GAPDH: variants seen among roughly 807,000 people sequenced by gnomAD.
GAPDH encodes the protein glyceraldehyde-3-phosphate dehydrogenase, also known as OCAS, p38 component.
Under a neutral mutation model 31.2 loss-of-function variants are expected in GAPDH, and 13 were observed. The observed-to-expected ratio is 0.42, with a 90% confidence interval of 0.27 to 0.66. The LOEUF (loss-of-function observed/expected upper bound fraction) is 0.66, where lower values mean the gene tolerates loss of function less well. Among genes scored for constraint, GAPDH ranks in the 30% least tolerant of loss-of-function variants. The pLI is 0.26. For missense variants in GAPDH, 300 were observed against 443.7 expected, an observed-to-expected ratio of 0.68 and a Z score of 2.91; for synonymous variants, 211 against 166.9, an observed-to-expected ratio of 1.26 and a Z score of -2.04.
intron 2 of GAPDH, chr12:6,535,460 T>C: frequency 1.0e-6 from 1 of 986,904 alleles, no homozygotes; most frequent in Non-Finnish European, 1.2e-6. Context: ...TTTTCCTAGA[T>C]TATTCTCTGG....
rs752723540 is a variant in GAPDH, at chr12:6,536,698, A to G, written c.144A>G (p.Gln48=). The G allele has an allele frequency of 3.7e-6, 6 of 1,613,838 alleles. No homozygotes were observed. The highest frequency in any genetic ancestry group is 2.2e-5 in the South Asian group (2 of 91,064). The change falls in exon 4 of 9, where the codon CAA becomes CAG. Residue 48 remains glutamine (Q), a synonymous_variant. Coordinates refer to ENST00000229239, the MANE Select transcript of GAPDH (RefSeq NM_002046.7). ...IDLNYMVYMF[Q]YDSTHGKFHG... ...TATTCCCCCAGGTTTACATGTTCCAATATGATTCCACCCATGGCAAATTCC... is the reference window on the plus strand; with the variant it reads ...TATTCCCCCAGGTTTACATGTTCCAGTATGATTCCACCCATGGCAAATTCC...
chr12:6,536,479 CCTCTTGT>C lies in GAPDH; in HGVS notation c.30-9_30-3del, dbSNP rs749811136. The C allele has an allele frequency of 1.3e-6, 2 of 1,599,582 alleles. No individual in the cohort carries two copies. The highest frequency in any genetic ancestry group is 1.7e-6 in the Non-Finnish European group (2 of 1,167,358). The stretch of plus-strand genomic sequence containing the variant: ...AGCCTCCCCTCCTCATGCCTTCTTG[CCTCTTGT>C]CTCTTAGATTTGGTCGTATTGGGCG... On this transcript the variant is annotated splice_polypyrimidine_tract_variant and splice_region_variant and intron_variant, in intron 2 of 8. Transcript: ENST00000229239.
chr12:6,536,375 G>A (rs951926737), intron 2 of GAPDH, 119 bp from the exon 3 acceptor site: 3 of 747,792 alleles, frequency 4.0e-6, no homozygotes, highest in Non-Finnish European at 7.0e-6. Flanking sequence ...AACCTCTTGG[G>A]CCCTCCTGGG....
chr12:6,535,912 AT>A (rs979918338), intron 2 of GAPDH, among the ~76,000 whole-genome samples: 1 of 151,932 alleles, frequency 6.6e-6, no homozygotes, highest in African/African-American at 2.4e-5. Flanking sequence ...CCCACTCCTG[AT>A]TTCTGGAAAA....
In GAPDH at chr12:6,536,580, A is replaced by G; in HGVS notation, c.116A>G (p.Asp39Gly). The G allele has an allele frequency of 6.2e-7, 1 of 1,613,530 alleles. No individual in the cohort carries two copies. Among genetic ancestry groups the G allele is most frequent in the Non-Finnish European group, 8.5e-7 (1 of 1,179,712 alleles). Reference sequence around the variant, plus strand: ...GTTGCCATCAATGACCCCTTCATTGACCTCAACTACATGGTGAGTGCTACA... The same window carrying G: ...GTTGCCATCAATGACCCCTTCATTGGCCTCAACTACATGGTGAGTGCTACA... ...DIVAINDPFI[D>G]LNYMVYMFQY... Residue 39 changes from aspartate to glycine, a missense_variant, in exon 3 of 9, where the codon GAC becomes GGC. Coordinates refer to ENST00000229239, the MANE Select transcript of GAPDH (RefSeq NM_002046.7).
chr12:6,537,490 G>A lies in GAPDH; in HGVS notation c.526-94G>A, dbSNP rs1286437223. The A allele has an allele frequency of 3.8e-6, 6 of 1,583,154 alleles. No individual in the cohort carries two copies. On this transcript the variant is annotated intron_variant, in intron 7 of 8. Coordinates refer to ENST00000229239, the MANE Select transcript of GAPDH (RefSeq NM_002046.7). This position sits in a 1 kb window ranked among gnomAD's most constrained non-coding sequence, Gnocchi z 4.9. ...GTGCAACCCTGGGGTTGGGGGTTCT[G>A]GGGACTGGCTTTCCCATAATTTCCT...
chr12:6,536,412 T>C (rs1946466603), intron 2 of GAPDH, 82 bp from the exon 3 acceptor site: 1 of 999,206 alleles, frequency 1.0e-6, no homozygotes, highest in Non-Finnish European at 1.6e-6. Flanking sequence ...ATTCGCCCTC[T>C]TAATGGGGAG....
chr12:6,534,651 G>A (rs1254369085), intron 1 of GAPDH, 82 bp downstream of exon 1: 2 of 688,632 alleles, frequency 2.9e-6, no homozygotes, highest in African/African-American at 3.6e-5. Context: ...ATGTGTTCGC[G>A]CCGCTGCGGG....
Position 6,536,529 on chromosome 12 carries a change from C to T in GAPDH, c.65C>T (p.Ala22Val). 1 of 1,613,796 alleles carries T rather than the reference C, an allele frequency of 6.2e-7. No homozygotes were observed. The highest frequency in any genetic ancestry group is 8.5e-7 in the Non-Finnish European group (1 of 1,179,986). Residue 22 changes from alanine to valine, a missense_variant, in exon 3 of 9, where the codon GCT (alanine) becomes GTT (valine). Physicochemically the swap from Ala to Val is moderately conservative, Grantham distance 64. Coordinates refer to ENST00000229239, the MANE Select transcript of GAPDH (RefSeq NM_002046.7). The part of the protein sequence containing the change: ...GRIGRLVTRA[A>V]FNSGKVDIVA... Reference sequence around the variant, plus strand: ...ATTGGGCGCCTGGTCACCAGGGCTGCTTTTAACTCTGGTAAAGTGGATATT... The same window carrying T: ...ATTGGGCGCCTGGTCACCAGGGCTGTTTTTAACTCTGGTAAAGTGGATATT...
In GAPDH at chr12:6,538,277, C is replaced by T; in HGVS notation, c.*107C>T. ...TCCCCCACCACACTGAATCTCCCCT[C>T]CTCACAGTTGCCATGTAGACCCCTT... On this transcript the variant is annotated 3_prime_UTR_variant, in exon 9 of 9. Coordinates refer to ENST00000229239, the MANE Select transcript of GAPDH (RefSeq NM_002046.7). The T allele has an allele frequency of 1.1e-6, 1 of 932,234 alleles. No homozygotes were observed. Among genetic ancestry groups the T allele is most frequent in the South Asian group, 1.3e-5 (1 of 75,668 alleles). The allele number at this position is 932,234 out of a possible 1,614,324, so 57.7% of individuals were successfully genotyped here. A position where few individuals can be genotyped will look rare whatever the true frequency, so the allele number is the denominator to read the frequency against.
chr12:6,534,518 C>T lies in GAPDH; in HGVS notation c.-75C>T, dbSNP rs564320185. On this transcript the variant is annotated 5_prime_UTR_variant, in exon 1 of 9. Coordinates refer to ENST00000229239, the MANE Select transcript of GAPDH (RefSeq NM_002046.7). ...ATTGAGCCCGCAGCCTCCCGCTTCG[C>T]TCTCTGCTCCTCCTGTTCGACAGTC... is the stretch of plus-strand genomic sequence containing the variant. 22 of 442,254 alleles carry T rather than the reference C, an allele frequency of 5.0e-5. No individual in the cohort carries two copies. Among genetic ancestry groups the T allele is most frequent in the East Asian group, 9.8e-5 (2 of 20,464 alleles). 27.4% of individuals were successfully genotyped at this position (442,254 alleles called of 1,614,324 possible).
In GAPDH at chr12:6,534,572, G is replaced by T. The variant is rs886697686; in HGVS notation, c.-24+3G>T. 3.7e-6 allele frequency: 2 copies of T among 542,384 alleles called. No homozygotes were observed. The highest frequency in any genetic ancestry group is 4.1e-5 in the African/African-American group (2 of 48,968). The allele number at this position is 542,384 out of a possible 1,614,324, so 33.6% of individuals were successfully genotyped here. On this transcript the variant is annotated splice_donor_region_variant and intron_variant, in intron 1 of 8. Transcript: ENST00000229239. ...CGCATCTTCTTTTGCGTCGCCAGGT[G>T]AAGACGGGCGGAGAGAAACCCGGGA...
At chr12:6,534,974 C>A in intron 2 of GAPDH, 113 bp downstream of exon 2, 1 of 1,225,940 alleles carries the variant, frequency 8.2e-7, no homozygotes, top group Non-Finnish European at 1.2e-6. Flanking sequence ...TAGCTGTTCC[C>A]CGCAAGGAGA....
Position 6,538,263 on chromosome 12 carries a change from A to C in GAPDH, c.*93A>C, listed in dbSNP as rs561929037. On this transcript the variant is annotated 3_prime_UTR_variant, in exon 9 of 9. Transcript: ENST00000229239. ...CCTGCCACACTCAGTCCCCCACCAC[A>C]CTGAATCTCCCCTCCTCACAGTTGC... 98 of 1,024,568 alleles carry C rather than the reference A, an allele frequency of 9.6e-5. No homozygotes were observed. The African/African-American group carries it at 1.4e-3, about 14-fold the overall frequency. 63.5% of individuals were successfully genotyped at this position (1,024,568 alleles called of 1,614,324 possible). A position where few individuals can be genotyped will look rare whatever the true frequency, so the allele number is the denominator to read the frequency against.
Position 6,534,793 on chromosome 12 carries a change from T to C in GAPDH, c.-23-17T>C. 1 of 1,611,430 alleles carries C rather than the reference T, an allele frequency of 6.2e-7. No individual in the cohort carries two copies. The highest frequency in any genetic ancestry group is 8.5e-7 in the Non-Finnish European group (1 of 1,178,830). On this transcript the variant is annotated splice_polypyrimidine_tract_variant and intron_variant, in intron 1 of 8. Transcript: ENST00000229239. ...GCCGGGGCCACTAGGCGCTCACTGT[T>C]CTCTCCCTCCGCGCAGCCGAGCCAC...
chr12:6,537,800 C>T lies in GAPDH; in HGVS notation c.742C>T (p.Arg248Cys), dbSNP rs546169843. The part of the protein sequence containing the change: ...ANVSVVDLTC[R>C]LEKPAKYDDI... ...CGTGTCAGTGGTGGACCTGACCTGCCGTCTAGAAAAACCTGCCAAATATGA... is the reference window on the plus strand; with the variant it reads ...CGTGTCAGTGGTGGACCTGACCTGCTGTCTAGAAAAACCTGCCAAATATGA... Residue 248 changes from arginine to cysteine, a missense_variant, in exon 8 of 9, where the codon CGT (arginine) becomes TGT (cysteine). Physicochemically the swap from Arg to Cys is radical, Grantham distance 180. Transcript: ENST00000229239. This position sits in a 1 kb window ranked among gnomAD's most constrained non-coding sequence, Gnocchi z 4.9. 40 of 1,611,830 alleles carry T rather than the reference C, an allele frequency of 2.5e-5. No homozygotes were observed. The highest frequency in any genetic ancestry group is 1.3e-4 in the South Asian group (12 of 90,992).
Position 6,536,808 on chromosome 12 carries a change from T to G in GAPDH, c.236+18T>G. On this transcript the variant is annotated intron_variant, in intron 4 of 8. Coordinates refer to ENST00000229239, the MANE Select transcript of GAPDH (RefSeq NM_002046.7). Reference sequence around the variant, plus strand: ...TTCCAGGAGTGAGTGGAAGACAGAATGGAAGAAATGTGCTTTGGGGAGGCA... The same window carrying G: ...TTCCAGGAGTGAGTGGAAGACAGAAGGGAAGAAATGTGCTTTGGGGAGGCA... 6.2e-6 allele frequency: 10 copies of G among 1,606,732 alleles called. No individual in the cohort carries two copies. The highest frequency in any genetic ancestry group is 8.5e-6 in the Non-Finnish European group (10 of 1,173,306).
At position 6,537,387 on chromosome 12, in the gene GAPDH, CATGGT is replaced by C. The variant is rs1946499681; in HGVS notation, c.525+1_525+5del. The C allele has an allele frequency of 6.2e-7, 1 of 1,608,664 alleles. No individual in the cohort carries two copies. Among genetic ancestry groups the C allele is most frequent in the Non-Finnish European group, 8.5e-7 (1 of 1,179,332 alleles). On this transcript the variant is annotated splice_donor_variant and coding_sequence_variant, in exon 7 of 9. Coordinates refer to ENST00000229239, the MANE Select transcript of GAPDH (RefSeq NM_002046.7). LOFTEE classifies it high-confidence loss of function. This position sits in a 1 kb window ranked among gnomAD's most constrained non-coding sequence, Gnocchi z 4.9. ...ACAACTTTGGTATCGTGGAAGGACTCATGGTATGAGAGCTGGGGAATGGGACTGAG... is the reference window on the plus strand; with the variant it reads ...ACAACTTTGGTATCGTGGAAGGACTCATGAGAGCTGGGGAATGGGACTGAG...
chr12:6,538,061 G>T (rs1189735019), intron 8 of GAPDH, 40 bp from the exon 9 acceptor site: 15 of 1,599,308 alleles, frequency 9.4e-6, no homozygotes, highest in Admixed American at 1.8e-5. Flanking sequence ...CTGGTGGCTG[G>T]CTCAGAAAAA....
Sources: gnomAD v4.1 joint callset for allele counts (sites outside exome capture counted in the v4.1 genomes callset) on GRCh38, gnomAD v4.1.1 for gene constraint, Gnocchi (gnomAD v3.1) non-coding constraint, MANE v1.5 for transcripts, NCBI Gene and HGNC (gene_info 2026-07-23, HGNC 2026-07-21) for gene names.